Variants in LTBP1 observed in about 807,000 individuals in gnomAD.
The protein encoded by LTBP1 is latent-transforming growth factor beta-binding protein 1.
In LTBP1, 129 loss-of-function variants were observed where a neutral mutation model predicts 207.6. That is an observed-to-expected ratio of 0.62 (90% CI 0.54 to 0.72). LTBP1 has a LOEUF of 0.72. LTBP1 is among the 30% of genes least tolerant of loss of function. The pLI is 0.00. For synonymous variants in LTBP1, 963 were observed against 833.7 expected, an observed-to-expected ratio of 1.16 and a Z score of -2.67; for missense variants, 2,281 against 2,217.2, an observed-to-expected ratio of 1.03 and a Z score of -0.58.
intron 5 of LTBP1, among the ~76,000 whole-genome samples, chr2:33,149,254 A>AG (rs2083322952): frequency 3.3e-5 from 5 of 150,126 alleles, no homozygotes; most frequent in African/African-American, 9.7e-5. Context: ...AAAAAAAAAA[A>AG]AGAGAGGGAG....
intron 18 of LTBP1, among the ~76,000 whole-genome samples, chr2:33,277,813 T>TTTCTC (rs2093472726): frequency 9.8e-5 from 7 of 71,734 alleles, no homozygotes; most frequent in South Asian, 4.0e-4. Flanking sequence ...CTCTTTCTTT[T>TTTCTC]TTTCTTTCTT....
Position 33,398,414 on chromosome 2 carries a change from G to A in LTBP1, c.5035G>A (p.Ala1679Thr). ...CAACCGGATGTCTCTCTGCAAGAAT[G>A]CCAAGTGCATTAACACCGATGGTTC... ...LNNRMSLCKN[A>T]KCINTDGSYK... Residue 1679 changes from alanine (A) to threonine (T), a missense_variant, in exon 34 of 34, where the codon GCC becomes ACC. Coordinates refer to ENST00000404816, the MANE Select transcript of LTBP1 (RefSeq NM_206943.4). 1 of 1,614,130 alleles carries A rather than the reference G, an allele frequency of 6.2e-7. No homozygotes were observed. Among genetic ancestry groups the A allele is most frequent in the Non-Finnish European group, 8.5e-7 (1 of 1,179,996 alleles).
rs948576824 is a variant in LTBP1, at chr2:33,011,938, G to C, written c.566-8971G>C. Among the ~76,000 whole-genome samples the C allele has an allele frequency of 1.5e-4, 23 of 151,968 alleles. 1 individual carries two copies. The highest frequency in any genetic ancestry group is 3.1e-4 in the Non-Finnish European group (21 of 68,006). On this transcript the variant is annotated intron_variant, in intron 2 of 33. Coordinates refer to ENST00000404816, the MANE Select transcript of LTBP1 (RefSeq NM_206943.4). Reference sequence around the variant, plus strand: ...GTCCGTGTGTTATTTATTTCTCTCCGATTTCAGGTCTCCTGGTTAAATTCA... The same window carrying C: ...GTCCGTGTGTTATTTATTTCTCTCCCATTTCAGGTCTCCTGGTTAAATTCA...
intron 19 of LTBP1, among the ~76,000 whole-genome samples, chr2:33,285,032 A>AT (rs1328883301): frequency 7.3e-5 from 10 of 137,262 alleles, no homozygotes; most frequent in African/African-American, 2.2e-4. Context: ...TATGTATCAC[A>AT]TTCTTTTTTT....
chr2:32,961,006 C>T (rs569441262), intron 2 of LTBP1, among the ~76,000 whole-genome samples: 12 of 152,178 alleles, frequency 7.9e-5, no homozygotes, highest in African/African-American at 2.2e-4. Context: ...CTATAAAACA[C>T]GAGTGCATGC....
At chr2:33,240,819 T>C (rs914602251) in intron 9 of LTBP1, among the ~76,000 whole-genome samples, 4 of 151,870 alleles carry the variant, frequency 2.6e-5, no homozygotes, top group Non-Finnish European at 5.9e-5. Flanking sequence ...CCTGGCTAAC[T>C]TTTTGTATTT....
At chr2:33,079,233 G>A (rs1375663480) in intron 3 of LTBP1, among the ~76,000 whole-genome samples, 2 of 152,098 alleles carry the variant, frequency 1.3e-5, no homozygotes, top group Non-Finnish European at 2.9e-5. Context: ...TAGTCCTCAA[G>A]GATGAAACAT....
At chr2:33,299,461 G>A (rs951618205) in intron 20 of LTBP1, among the ~76,000 whole-genome samples, 1 of 152,034 alleles carries the variant, frequency 6.6e-6, no homozygotes. Flanking sequence ...TTTAGATTAG[G>A]GCTCCTTTCT....
chr2:32,999,795 A>C (rs1685821558), intron 2 of LTBP1, among the ~76,000 whole-genome samples: 1 of 133,284 alleles, frequency 7.5e-6, no homozygotes, highest in Non-Finnish European at 1.6e-5. Context: ...CCTGGGCGAC[A>C]GAGTGAGACT....
At chr2:33,099,057 A>G (rs149449780) in intron 3 of LTBP1, among the ~76,000 whole-genome samples, 482 of 152,298 alleles carry the variant, frequency 3.2e-3, no homozygotes, top group African/African-American at 0.011. Flanking sequence ...GAAATAAGCC[A>G]TATATTTTTT....
intron 2 of LTBP1, among the ~76,000 whole-genome samples, chr2:32,974,884 G>A (rs1681466722): frequency 2.0e-5 from 3 of 152,180 alleles, no homozygotes. Context: ...TACATTCAAG[G>A]TTAATACTGA....
chr2:33,217,698 T>C, intron 8 of LTBP1, 44 bp downstream of exon 8: 2 of 1,405,122 alleles, frequency 1.4e-6, no homozygotes, highest in South Asian at 2.4e-5. Flanking sequence ...ATGTAGCATA[T>C]CTGTTTTTTA....
chr2:33,088,221 A>G (rs1040296634), intron 3 of LTBP1, among the ~76,000 whole-genome samples: 5 of 152,244 alleles, frequency 3.3e-5, no homozygotes, highest in Non-Finnish European at 5.9e-5. Context: ...TGGGAGGCCA[A>G]GGCGGGTGGA....
chr2:33,144,701 A>G (rs1022310576), intron 5 of LTBP1, among the ~76,000 whole-genome samples: 3 of 152,216 alleles, frequency 2.0e-5, no homozygotes, highest in Non-Finnish European at 1.5e-5. Context: ...AATCACATTT[A>G]TGCGATGCAG....
chr2:33,283,467 C>T (rs1029247370), intron 19 of LTBP1, among the ~76,000 whole-genome samples: 22 of 124,532 alleles, frequency 1.8e-4, no homozygotes, highest in Admixed American at 1.2e-3. Context: ...GACGGAGTCT[C>T]GCTCTTTCGC....
At chr2:33,044,963 G>A (rs1053078626) in intron 3 of LTBP1, among the ~76,000 whole-genome samples, 1 of 149,914 alleles carries the variant, frequency 6.7e-6, no homozygotes, top group East Asian at 2.0e-4. Flanking sequence ...GGGTTGTTTG[G>A]TTTTTTTTTC....
chr2:33,293,751 A>G (rs778924621), intron 20 of LTBP1, among the ~76,000 whole-genome samples: 23 of 152,174 alleles, frequency 1.5e-4, no homozygotes, highest in Non-Finnish European at 2.9e-4. Flanking sequence ...ATGAATATTC[A>G]TATTTCGTGG....
intron 5 of LTBP1, among the ~76,000 whole-genome samples, chr2:33,177,782 C>T (rs2086208948): frequency 6.6e-6 from 1 of 152,164 alleles, no homozygotes; most frequent in South Asian, 2.1e-4. Context: ...ATCATTAAGG[C>T]TCTGTAGCAA....
intron 3 of LTBP1, among the ~76,000 whole-genome samples, chr2:33,071,192 TTAC>T (rs568847283): frequency 2.3e-4 from 35 of 152,286 alleles, no homozygotes; most frequent in African/African-American, 8.2e-4. Flanking sequence ...ACTTCCAAGC[TTAC>T]TCACGTGGCT....
Sources: allele counts gnomAD v4.1 joint callset (sites outside exome capture counted in the v4.1 genomes callset), GRCh38; gene constraint gnomAD v4.1.1; transcripts MANE v1.5; gene names NCBI Gene and HGNC (gene_info 2026-07-23, HGNC 2026-07-21).